Variants in CNTN5 observed in about 807,000 individuals in gnomAD.
The protein encoded by CNTN5 is contactin-5.
Under a neutral mutation model 129.1 loss-of-function variants are expected in CNTN5, and 77 were observed. The ratio of observed to expected loss-of-function variants is 0.60; its 90% CI spans 0.50 to 0.72. The LOEUF (loss-of-function observed/expected upper bound fraction) is 0.72. Ranked by LOEUF, CNTN5 falls within the 30% of genes least tolerant of loss-of-function variation. The pLI is 0.00. For missense variants in CNTN5, 1,478 were observed against 1,328.8 expected (o/e 1.11, Z -1.75); for synonymous variants, 509 against 465.6 (o/e 1.09, Z -1.20).
intron 3 of CNTN5, among the ~76,000 whole-genome samples, chr11:99,561,556 G>T (rs1591282053): frequency 6.6e-6 from 1 of 152,146 alleles, no homozygotes; most frequent in South Asian, 2.1e-4. Context: ...GGAAATGGGG[G>T]CCAAAAGAGA....
chr11:99,336,345 G>A (rs1591538846), intron 2 of CNTN5, among the ~76,000 whole-genome samples: 1 of 151,974 alleles, frequency 6.6e-6, no homozygotes, highest in Non-Finnish European at 1.5e-5. Context: ...ATGCCACGCA[G>A]GAAATAATCT....
rs1001370467 is a variant in CNTN5, at chr11:99,611,346, C to G, written c.55+55077C>G. On this transcript the variant is annotated intron_variant, in intron 3 of 24. Transcript: ENST00000524871. ...AACCCACCAGTATTTAGAGATTCCC[C>G]CAAACAGATATAATTCATCTGAGTA... 4.6e-5 allele frequency among the ~76,000 whole-genome samples: 7 copies of G among 152,210 alleles called. No homozygotes were observed. The East Asian group carries it at 5.8e-4, about 13-fold the overall frequency.
At chr11:99,775,800 A>C (rs965318191) in intron 3 of CNTN5, among the ~76,000 whole-genome samples, 4 of 91,310 alleles carry the variant, frequency 4.4e-5, no homozygotes, top group Non-Finnish European at 1.3e-4. Context: ...TACGATCTTG[A>C]TTGATTATCA....
intron 1 of CNTN5, among the ~76,000 whole-genome samples, chr11:99,148,374 A>T (rs1859887505): frequency 6.6e-6 from 1 of 152,138 alleles, no homozygotes; most frequent in Non-Finnish European, 1.5e-5. Flanking sequence ...GCAAAAAAAA[A>T]ATTCATGAAT....
chr11:99,794,729 T>C (rs1945871760), intron 3 of CNTN5, among the ~76,000 whole-genome samples: 1 of 152,242 alleles, frequency 6.6e-6, no homozygotes, highest in African/African-American at 2.4e-5. Context: ...TTATTTTCTT[T>C]AACCATGCTG....
intron 3 of CNTN5, among the ~76,000 whole-genome samples, chr11:99,713,431 G>A (rs527919016): frequency 1.3e-5 from 2 of 152,038 alleles, no homozygotes; most frequent in Non-Finnish European, 2.9e-5. Context: ...ACACAATCAC[G>A]TCATCTGCAA....
chr11:99,830,986 T>C (rs1022408529), intron 4 of CNTN5, among the ~76,000 whole-genome samples: 5 of 152,108 alleles, frequency 3.3e-5, no homozygotes, highest in Admixed American at 3.3e-4. Flanking sequence ...TTACTAAATA[T>C]TTTTGAACAC....
intron 10 of CNTN5, among the ~76,000 whole-genome samples, chr11:100,064,952 A>G (rs1943638107): frequency 6.6e-6 from 1 of 152,148 alleles, no homozygotes; most frequent in South Asian, 2.1e-4. Flanking sequence ...ATCTCATTAT[A>G]TAAAGATGTG....
chr11:99,236,146 A>G (rs1043998781), intron 1 of CNTN5, among the ~76,000 whole-genome samples: 1 of 152,174 alleles, frequency 6.6e-6, no homozygotes, highest in African/African-American at 2.4e-5. Flanking sequence ...AGCATTGTGC[A>G]ATAATATTTC....
chr11:99,402,664 A>G (rs935817736), intron 2 of CNTN5, among the ~76,000 whole-genome samples: 5 of 152,118 alleles, frequency 3.3e-5, no homozygotes, highest in African/African-American at 1.2e-4. Context: ...AGTTCTTTAA[A>G]TGTTTGGTAG....
intron 6 of CNTN5, among the ~76,000 whole-genome samples, chr11:99,893,722 A>C (rs1286465835): frequency 6.6e-6 from 1 of 152,182 alleles, no homozygotes; most frequent in Non-Finnish European, 1.5e-5. Flanking sequence ...ATATGTTCTG[A>C]TAATAAAATT....
At chr11:99,196,615 A>G (rs1979341) in intron 1 of CNTN5, among the ~76,000 whole-genome samples, 34,705 of 151,832 alleles carry the variant, frequency 0.23, 4,022 homozygotes, top group Middle Eastern at 0.26. Flanking sequence ...ATTTTTTGAT[A>G]TATTACATTT....
intron 17 of CNTN5, among the ~76,000 whole-genome samples, chr11:100,260,862 A>C (rs1174282896): frequency 6.6e-6 from 1 of 152,206 alleles, no homozygotes. Context: ...AAAAACTGGA[A>C]GCATCCCCTT....
intron 9 of CNTN5, among the ~76,000 whole-genome samples, chr11:100,014,710 A>G (rs774339308): frequency 2.2e-4 from 33 of 152,112 alleles, no homozygotes; most frequent in African/African-American, 7.2e-4. Flanking sequence ...TTGGTTGTCT[A>G]TTGTTCCCCG....
chr11:99,788,660 A>G (rs1239000847), intron 3 of CNTN5, among the ~76,000 whole-genome samples: 2 of 151,904 alleles, frequency 1.3e-5, no homozygotes, highest in Non-Finnish European at 2.9e-5. Context: ...ATATATGCAG[A>G]GTGTGCTAAA....
intron 1 of CNTN5, among the ~76,000 whole-genome samples, chr11:99,110,459 G>A (rs1222758595): frequency 1.3e-5 from 2 of 152,124 alleles, no homozygotes; most frequent in Non-Finnish European, 2.9e-5. Flanking sequence ...TGCATTGTAA[G>A]TATTGTAAGC....
chr11:99,394,876 T>C (rs545588783), intron 2 of CNTN5, among the ~76,000 whole-genome samples: 2 of 151,682 alleles, frequency 1.3e-5, no homozygotes, highest in South Asian at 2.1e-4. Flanking sequence ...ACATGATCTT[T>C]TTCTTTTTTA....
At chr11:99,243,738 T>TA (rs1555087702) in intron 1 of CNTN5, among the ~76,000 whole-genome samples, 3 of 120,498 alleles carry the variant, frequency 2.5e-5, no homozygotes, top group South Asian at 3.0e-4. Context: ...TATTGCTTAT[T>TA]TTTTTTTTTT....
intron 3 of CNTN5, among the ~76,000 whole-genome samples, chr11:99,793,080 G>A (rs1264744573): frequency 2.9e-5 from 4 of 139,066 alleles, no homozygotes; most frequent in Non-Finnish European, 4.7e-5. Flanking sequence ...TTTTTTTTTC[G>A]ACACAGTCTC....
Sources: allele counts gnomAD v4.1 joint callset (sites outside exome capture counted in the v4.1 genomes callset), GRCh38; gene constraint gnomAD v4.1.1; transcripts MANE v1.5; gene names NCBI Gene and HGNC (gene_info 2026-07-23, HGNC 2026-07-21).